The following MCU variants were observed in gnomAD, a reference collection of about 807,000 sequenced individuals.
MCU encodes mitochondrial calcium uniporter.
A neutral mutation model predicts 45.2 loss-of-function variants in MCU; 12 were observed. The ratio of observed to expected loss-of-function variants is 0.27; its 90% CI spans 0.17 to 0.43. The LOEUF (loss-of-function observed/expected upper bound fraction) is 0.43, where lower values mean the gene tolerates loss of function less well. MCU is among the 20% of genes least tolerant of loss of function. The pLI is 1.00. For synonymous variants in MCU, 160 were observed against 165.1 expected (o/e 0.97, Z 0.24); for missense variants, 324 against 436.7 (o/e 0.74, Z 2.30).
intron 6 of MCU, 151 bp from the exon 7 acceptor site, chr10:72,884,115 C>G (rs1480871690): frequency 1.7e-6 from 1 of 582,956 alleles, no homozygotes; most frequent in Non-Finnish European, 3.1e-6. Flanking sequence ...GTATGTTTCA[C>G]AGTAGAAATG....
intron 1 of MCU, among the ~76,000 whole-genome samples, chr10:72,789,362 A>G (rs1263023426): frequency 6.6e-6 from 1 of 152,198 alleles, no homozygotes; most frequent in African/African-American, 2.4e-5. Context: ...AGTGGTTGCC[A>G]TTACATATTA....
chr10:72,749,507 T>A (rs746467836), intron 1 of MCU, among the ~76,000 whole-genome samples: 1 of 152,218 alleles, frequency 6.6e-6, no homozygotes, highest in African/African-American at 2.4e-5. Context: ...AAATTAAATG[T>A]TCTGCCTTTT....
chr10:72,849,546 A>G (rs1448182255), intron 2 of MCU, among the ~76,000 whole-genome samples: 1 of 152,144 alleles, frequency 6.6e-6, no homozygotes, highest in Non-Finnish European at 1.5e-5. Context: ...CAGCATTTAC[A>G]TGAGACTTTG....
chr10:72,884,661 T>C (rs1269245575), intron 7 of MCU, among the ~76,000 whole-genome samples: 1 of 151,478 alleles, frequency 6.6e-6, no homozygotes, highest in Non-Finnish European at 1.5e-5. Context: ...TTTTTTTTTT[T>C]CATTTTATTT....
At chr10:72,711,248 T>G (rs1589427203) in intron 1 of MCU, among the ~76,000 whole-genome samples, 1 of 139,458 alleles carries the variant, frequency 7.2e-6, no homozygotes. Context: ...TGGAATGGAG[T>G]CTCCCTTTGT....
At chr10:72,802,544 G>A (rs1218908374) in intron 1 of MCU, among the ~76,000 whole-genome samples, 1 of 152,094 alleles carries the variant, frequency 6.6e-6, no homozygotes, top group Non-Finnish European at 1.5e-5. Flanking sequence ...CAGAAACTGA[G>A]CAAAAGGAAA....
intron 1 of MCU, among the ~76,000 whole-genome samples, chr10:72,761,910 C>A (rs1255042571): frequency 2.6e-5 from 4 of 152,090 alleles, no homozygotes. Flanking sequence ...GAGCTTAGCT[C>A]CCACTTGTAA....
At chr10:72,853,886 C>T (rs922379858) in intron 2 of MCU, among the ~76,000 whole-genome samples, 1 of 151,986 alleles carries the variant, frequency 6.6e-6, no homozygotes, top group Admixed American at 6.6e-5. Context: ...GCTGGCCCAG[C>T]ACTTTGGGAG....
chr10:72,741,738 G>A (rs1468163322), intron 1 of MCU, among the ~76,000 whole-genome samples: 3 of 152,068 alleles, frequency 2.0e-5, no homozygotes, highest in Admixed American at 6.6e-5. Context: ...ACTGCAAAAC[G>A]ACATTGGAGA....
At chr10:72,861,882 G>C (rs1364189355) in intron 4 of MCU, 1 of 283,290 alleles carries the variant, frequency 3.5e-6, no homozygotes, top group Non-Finnish European at 6.9e-6. Context: ...AATAAAGACA[G>C]AGTCAGTATT....
chr10:72,725,348 G>A (rs1414122029), intron 1 of MCU, among the ~76,000 whole-genome samples: 1 of 151,816 alleles, frequency 6.6e-6, no homozygotes, highest in African/African-American at 2.4e-5. Flanking sequence ...GGATAGCCTC[G>A]ATCTCCTGAC....
At chr10:72,700,357 C>T (rs774083175) in intron 1 of MCU, among the ~76,000 whole-genome samples, 20 of 152,114 alleles carry the variant, frequency 1.3e-4, no homozygotes, top group Non-Finnish European at 2.2e-4. Flanking sequence ...CCACTGTGCC[C>T]GGCCAAATTC....
chr10:72,822,531 A>C (rs1844728921), intron 1 of MCU, among the ~76,000 whole-genome samples: 2 of 152,240 alleles, frequency 1.3e-5, no homozygotes, highest in Non-Finnish European at 1.5e-5. Flanking sequence ...AAAAATGGGC[A>C]AAAGTTCTGA....
Position 72,860,470 on chromosome 10 carries a change from G to A in MCU, c.439G>A (p.Asp147Asn). 1.2e-6 allele frequency: 2 copies of A among 1,614,022 alleles called. No individual in the cohort carries two copies. Among genetic ancestry groups the A allele is most frequent in the Non-Finnish European group, 1.7e-6 (2 of 1,179,984 alleles). Residue 147 changes from aspartate to asparagine, a missense_variant, in exon 4 of 8, where the codon GAT (aspartate) becomes AAT (asparagine). Physicochemically the swap from Asp to Asn is conservative, Grantham distance 23. Coordinates refer to ENST00000373053, the MANE Select transcript of MCU (RefSeq NM_138357.3). ...ASTGIDLLLLDDFKLVINDLT... is the reference protein window; with the variant it reads ...ASTGIDLLLLNDFKLVINDLT... Reference sequence around the variant, plus strand: ...AACAGGAATAGACCTCCTCCTCCTTGATGACTTTAAGCTGGTCATTAATGA... The same window carrying A: ...AACAGGAATAGACCTCCTCCTCCTTAATGACTTTAAGCTGGTCATTAATGA...
At chr10:72,858,199 G>A (rs1349180279) in intron 2 of MCU, among the ~76,000 whole-genome samples, 1 of 152,166 alleles carries the variant, frequency 6.6e-6, no homozygotes, top group Non-Finnish European at 1.5e-5. Context: ...TACTCAGTAC[G>A]CTATAGGAGA....
intron 1 of MCU, among the ~76,000 whole-genome samples, chr10:72,732,839 A>G (rs987579474): frequency 1.3e-5 from 2 of 152,212 alleles, no homozygotes; most frequent in African/African-American, 4.8e-5. Flanking sequence ...TGTAGGAGCA[A>G]ATGAAAGCTA....
intron 1 of MCU, among the ~76,000 whole-genome samples, chr10:72,743,297 C>G (rs1353491370): frequency 6.6e-6 from 1 of 150,380 alleles, no homozygotes; most frequent in Non-Finnish European, 1.5e-5. Context: ...CTTGTAATCC[C>G]AGCTACTCGG....
At chr10:72,820,527 T>C (rs559208672) in intron 1 of MCU, among the ~76,000 whole-genome samples, 17 of 151,982 alleles carry the variant, frequency 1.1e-4, no homozygotes, top group East Asian at 1.9e-4. Flanking sequence ...TTTTTTTTTT[T>C]CCGAAACGGA....
At chr10:72,745,573 T>C (rs577134772) in intron 1 of MCU, among the ~76,000 whole-genome samples, 3 of 152,332 alleles carry the variant, frequency 2.0e-5, no homozygotes, top group African/African-American at 7.2e-5. Flanking sequence ...AGCATGCTTC[T>C]TTCATCACAG....
Sources: gnomAD v4.1 joint callset for allele counts (sites outside exome capture counted in the v4.1 genomes callset) on GRCh38, gnomAD v4.1.1 for gene constraint, MANE v1.5 for transcripts, NCBI Gene and HGNC (gene_info 2026-07-23, HGNC 2026-07-21) for gene names.